TRMT9B: variants seen among roughly 807,000 people sequenced by gnomAD.
TRMT9B encodes the protein probable tRNA methyltransferase 9B.
A neutral mutation model predicts 11.5 loss-of-function variants in TRMT9B; 16 were observed. That is an observed-to-expected ratio of 1.39 (90% CI 0.94 to 2.11). The LOEUF (loss-of-function observed/expected upper bound fraction) is 2.11. TRMT9B is among the 30% of genes most tolerant of loss of function. The probability of loss-of-function intolerance (pLI) is 0.00; values close to 1 mark genes in which losing one functional copy is unlikely to be tolerated. For synonymous variants in TRMT9B, 274 were observed against 192.4 expected (o/e 1.42, Z -3.51); for missense variants, 941 against 553.8 (o/e 1.70, Z -7.02).
At chr8:12,949,637 C>G (rs138676984) in intron 1 of TRMT9B, among the ~76,000 whole-genome samples, 1 of 152,264 alleles carries the variant, frequency 6.6e-6, no homozygotes, top group East Asian at 1.9e-4. Flanking sequence ...GTTCACAAGT[C>G]TCTAGGGATT....
chr8:12,993,646 A>C (rs1439429123), intron 2 of TRMT9B, among the ~76,000 whole-genome samples: 1 of 152,244 alleles, frequency 6.6e-6, no homozygotes, highest in South Asian at 2.1e-4. Flanking sequence ...TTGATCTTCT[A>C]GGCTGGCATT....
At chr8:12,993,486 T>A (rs916336407) in intron 2 of TRMT9B, among the ~76,000 whole-genome samples, 1 of 152,136 alleles carries the variant, frequency 6.6e-6, no homozygotes, top group African/African-American at 2.4e-5. Context: ...CCAACTCCCA[T>A]CTTTATGAAT....
chr8:12,979,968 C>G (rs1303018696), intron 1 of TRMT9B, among the ~76,000 whole-genome samples: 1 of 152,164 alleles, frequency 6.6e-6, no homozygotes, highest in African/African-American at 2.4e-5. Context: ...GGCCAGGACA[C>G]TGTCACCCCG....
chr8:12,962,573 C>T (rs1802273449), intron 1 of TRMT9B, among the ~76,000 whole-genome samples: 2 of 152,104 alleles, frequency 1.3e-5, no homozygotes, highest in African/African-American at 4.8e-5. Flanking sequence ...TCACTGCAAC[C>T]TCTGCCTCCT....
intron 1 of TRMT9B, among the ~76,000 whole-genome samples, chr8:12,972,487 G>A (rs778412537): frequency 4.6e-5 from 7 of 152,204 alleles, no homozygotes; most frequent in Non-Finnish European, 1.5e-5. Flanking sequence ...AAATGCCGCT[G>A]CCAGGGTGAA....
intron 2 of TRMT9B, among the ~76,000 whole-genome samples, chr8:12,992,125 G>T (rs879072182): frequency 2.0e-5 from 3 of 152,166 alleles, no homozygotes; most frequent in Admixed American, 6.5e-5. Flanking sequence ...CTAAGAAACA[G>T]CTCCTTGATT....
At chr8:12,993,092 G>A (rs1056133206) in intron 2 of TRMT9B, among the ~76,000 whole-genome samples, 2 of 152,152 alleles carry the variant, frequency 1.3e-5, no homozygotes, top group Non-Finnish European at 2.9e-5. Context: ...GAAAAAGTGA[G>A]TAGATTTGTG....
At chr8:13,017,224 A>C (rs1193048743) in intron 4 of TRMT9B, among the ~76,000 whole-genome samples, 1 of 152,178 alleles carries the variant, frequency 6.6e-6, no homozygotes, top group East Asian at 1.9e-4. Flanking sequence ...TGAAGTTTAG[A>C]GAGGCGAGGC....
chr8:12,971,506 G>C (rs1023744229), intron 1 of TRMT9B, among the ~76,000 whole-genome samples: 1 of 152,112 alleles, frequency 6.6e-6, no homozygotes, highest in African/African-American at 2.4e-5. Context: ...GTATTAGCTG[G>C]ATTTAAAATG....
At chr8:13,011,581 A>G (rs1249711529) in intron 3 of TRMT9B, 1 of 938,996 alleles carries the variant, frequency 1.1e-6, no homozygotes, top group East Asian at 1.2e-4. Flanking sequence ...AATACTAAGT[A>G]TTAGACTGTA....
chr8:13,014,620 T>C (rs2128896414), intron 4 of TRMT9B, among the ~76,000 whole-genome samples: 1 of 152,310 alleles, frequency 6.6e-6, no homozygotes, highest in African/African-American at 2.4e-5. Context: ...GGGTTAGGGC[T>C]TCGACATGTT....
In TRMT9B at chr8:13,006,334, A is replaced by G. The variant is rs765193631; in HGVS notation, c.132A>G (p.Pro44=). The part of the protein sequence containing the change: ...RVRQFLQEQK[P]GSLIADIGCG... ...GCCAGTTCCTGCAAGAGCAGAAGCC[A>G]GGCAGCCTCATCGCTGACATAGGTA... Residue 44 remains proline (P), a synonymous_variant, in exon 3 of 5, where the codon CCA becomes CCG. Transcript: ENST00000524591. The G allele has an allele frequency of 2.5e-6, 4 of 1,600,854 alleles. No homozygotes were observed. Among genetic ancestry groups the G allele is most frequent in the Non-Finnish European group, 3.4e-6 (4 of 1,174,086 alleles).
rs1370009983 is a variant in TRMT9B, at chr8:13,012,793, G to A, written c.264G>A (p.Met88Ile). Reference protein sequence around the residue: ...EIARNRGCEAMVCDNLNLPFR... With the variant: ...EIARNRGCEAIVCDNLNLPFR... ...CCCGGAATAGAGGATGTGAAGCCAT[G>A]GTATGTGACAACCTTAATCTCCCCT... Residue 88 changes from methionine (M) to isoleucine (I), a missense_variant, in exon 4 of 5, where the codon ATG becomes ATA. Met to Ile is a conservative substitution (Grantham distance 10). Coordinates refer to ENST00000524591, the MANE Select transcript of TRMT9B (RefSeq NM_020844.3). 4 of 1,613,926 alleles carry A rather than the reference G, an allele frequency of 2.5e-6. No homozygotes were observed. The highest frequency in any genetic ancestry group is 2.5e-6 in the Non-Finnish European group (3 of 1,179,882).
rs1392099978 is a variant in TRMT9B at position 13,022,060 on chromosome 8, C to G, written c.*16C>G. 14 of 1,503,518 alleles carry G rather than the reference C, an allele frequency of 9.3e-6. No individual in the cohort carries two copies. The highest frequency in any genetic ancestry group is 1.3e-5 in the Non-Finnish European group (14 of 1,117,468). The allele number at this position is 1,503,518 out of a possible 1,614,324, so 93.1% of individuals were successfully genotyped here. ...TTGTGATTGATTGGATCCTTTTAGA[C>G]AACTCCTCCAAAAGATGAACCACAT... On this transcript the variant is annotated 3_prime_UTR_variant, in exon 5 of 5. Coordinates refer to ENST00000524591, the MANE Select transcript of TRMT9B (RefSeq NM_020844.3).
At chr8:12,966,760 G>A (rs1025021803) in intron 1 of TRMT9B, among the ~76,000 whole-genome samples, 20 of 152,166 alleles carry the variant, frequency 1.3e-4, no homozygotes, top group East Asian at 7.7e-4. Flanking sequence ...CATTTCTAGC[G>A]CATAGGGTTA....
intron 2 of TRMT9B, among the ~76,000 whole-genome samples, chr8:12,998,070 C>T (rs1352779692): frequency 1.3e-5 from 2 of 152,130 alleles, no homozygotes; most frequent in African/African-American, 4.8e-5. Flanking sequence ...TAAAGTCTCT[C>T]GCCCATTTTT....
chr8:12,983,304 C>G (rs1001629356), intron 1 of TRMT9B, among the ~76,000 whole-genome samples: 8 of 148,532 alleles, frequency 5.4e-5, no homozygotes, highest in African/African-American at 2.0e-4. Context: ...TTTATAAAAT[C>G]AAAGAGAGAG....
Position 13,028,598 on chromosome 8 carries a change from CAG to C in TRMT9B, c.*6555_*6556del, listed in dbSNP as rs1431306975. The stretch of plus-strand genomic sequence containing the variant: ...TCTTTTTTTTTTTTTTTTTTTGAGA[CAG>C]TGTCTCACTCTGTCACCCAGGCTGG... On this transcript the variant is annotated 3_prime_UTR_variant, in exon 5 of 5. Transcript: ENST00000524591. 8 of 98,552 alleles carry C rather than the reference CAG, an allele frequency of 8.1e-5. No homozygotes were observed. The highest frequency in any genetic ancestry group is 3.4e-4 in the African/African-American group (8 of 23,578). The allele number at this position is 98,552 out of a possible 1,614,324, so 6.1% of individuals were successfully genotyped here.
At chr8:13,007,546 G>C (rs1810712059) in intron 3 of TRMT9B, 2 of 152,186 alleles carry the variant, frequency 1.3e-5, no homozygotes, top group South Asian at 4.1e-4. Flanking sequence ...CTTGTGGCTT[G>C]CTGAAGATGG....
Sources: gnomAD v4.1 joint callset for allele counts (sites outside exome capture counted in the v4.1 genomes callset) on GRCh38, gnomAD v4.1.1 for gene constraint, MANE v1.5 for transcripts, NCBI Gene and HGNC (gene_info 2026-07-23, HGNC 2026-07-21) for gene names.